RALYL: variants seen among roughly 807,000 people sequenced by gnomAD.
The protein encoded by RALYL is RNA-binding Raly-like protein.
In RALYL, 29 loss-of-function variants were observed where a neutral mutation model predicts 35.1. That is an observed-to-expected ratio of 0.83 (90% CI 0.61 to 1.13). The LOEUF (loss-of-function observed/expected upper bound fraction) is 1.13, where lower values mean the gene tolerates loss of function less well. RALYL is among the 50% of genes most tolerant of loss of function. The probability of loss-of-function intolerance (pLI) is 0.00; values close to 1 mark genes in which losing one functional copy is unlikely to be tolerated. For synonymous variants in RALYL, 120 were observed against 127.6 expected (o/e 0.94, Z 0.40); for missense variants, 359 against 360.4 (o/e 1.00, Z 0.03).
At chr8:84,252,271 A>G (rs780153917) in intron 1 of RALYL, among the ~76,000 whole-genome samples, 8 of 152,058 alleles carry the variant, frequency 5.3e-5, no homozygotes, top group Non-Finnish European at 1.2e-4. Context: ...CATTTATTTT[A>G]TTTATAGGTA....
chr8:84,222,313 A>G (rs1240839470), intron 1 of RALYL, among the ~76,000 whole-genome samples: 1 of 152,140 alleles, frequency 6.6e-6, no homozygotes, highest in Non-Finnish European at 1.5e-5. Flanking sequence ...GTCACATTCA[A>G]TTTTCTATGT....
chr8:84,276,123 T>C (rs1316070843), intron 1 of RALYL, among the ~76,000 whole-genome samples: 1 of 152,188 alleles, frequency 6.6e-6, no homozygotes, highest in African/African-American at 2.4e-5. Flanking sequence ...TCAAACTCCA[T>C]TGGTAATACA....
chr8:84,489,667 T>C (rs987738397), intron 1 of RALYL, among the ~76,000 whole-genome samples: 2 of 151,888 alleles, frequency 1.3e-5, no homozygotes, highest in African/African-American at 4.8e-5. Context: ...ACTGAGGAAA[T>C]TGTAGATAGC....
intron 4 of RALYL, among the ~76,000 whole-genome samples, chr8:84,808,127 T>A (rs1309251895): frequency 6.6e-6 from 1 of 152,232 alleles, no homozygotes; most frequent in Non-Finnish European, 1.5e-5. Context: ...AGAATGTTTA[T>A]AGTTTCAGGT....
At chr8:84,711,164 T>C (rs920748182) in intron 2 of RALYL, among the ~76,000 whole-genome samples, 1 of 151,442 alleles carries the variant, frequency 6.6e-6, no homozygotes, top group South Asian at 2.1e-4. Context: ...CAAGAAAGAG[T>C]CCAATAAGTA....
At chr8:84,643,623 T>A (rs1340932238) in intron 2 of RALYL, among the ~76,000 whole-genome samples, 1 of 151,868 alleles carries the variant, frequency 6.6e-6, no homozygotes, top group Non-Finnish European at 1.5e-5. Flanking sequence ...CACACAGCAA[T>A]CCCCATATGG....
chr8:84,448,446 T>G (rs748722137), intron 1 of RALYL, among the ~76,000 whole-genome samples: 87 of 152,048 alleles, frequency 5.7e-4, no homozygotes, highest in Non-Finnish European at 1.5e-4. Flanking sequence ...AAAAGATACC[T>G]ATTCTCTTGC....
intron 1 of RALYL, among the ~76,000 whole-genome samples, chr8:84,253,364 A>ATT (rs535716220): frequency 3.7e-4 from 37 of 99,558 alleles, no homozygotes; most frequent in African/African-American, 9.8e-4. Context: ...TAATTTTTGT[A>ATT]TTTTTTTTTT....
At chr8:84,579,454 G>A (rs1810326063) in intron 2 of RALYL, among the ~76,000 whole-genome samples, 1 of 152,162 alleles carries the variant, frequency 6.6e-6, no homozygotes, top group Admixed American at 6.5e-5. Flanking sequence ...GACTTGGTAG[G>A]GGGCAGAGCT....
intron 1 of RALYL, among the ~76,000 whole-genome samples, chr8:84,480,501 G>A (rs985929072): frequency 6.6e-6 from 1 of 152,118 alleles, no homozygotes; most frequent in African/African-American, 2.4e-5. Context: ...AAGGACTTCT[G>A]TGCGTATTCT....
chr8:84,302,260 G>A (rs1008749948), intron 1 of RALYL, among the ~76,000 whole-genome samples: 5 of 152,130 alleles, frequency 3.3e-5, no homozygotes, highest in Admixed American at 2.6e-4. Flanking sequence ...CTAATACAGT[G>A]ATCACTGAAA....
chr8:84,641,119 ATTATC>A (rs753453705), intron 2 of RALYL, among the ~76,000 whole-genome samples: 3 of 151,368 alleles, frequency 2.0e-5, no homozygotes, highest in Non-Finnish European at 4.4e-5. Flanking sequence ...ATATAAAATT[ATTATC>A]TTTTCTTTAT....
intron 2 of RALYL, among the ~76,000 whole-genome samples, chr8:84,707,254 A>G (rs1378362318): frequency 3.3e-5 from 5 of 152,180 alleles, no homozygotes; most frequent in Non-Finnish European, 7.4e-5. Flanking sequence ...TGATAAAGAA[A>G]CAATATATGA....
At chr8:84,580,505 G>A (rs766094931) in intron 2 of RALYL, among the ~76,000 whole-genome samples, 3 of 152,068 alleles carry the variant, frequency 2.0e-5, no homozygotes, top group African/African-American at 7.2e-5. Flanking sequence ...AGCTCTTATG[G>A]TTACTAATAC....
At chr8:84,864,737 G>C in intron 6 of RALYL, 1 of 576,398 alleles carries the variant, frequency 1.7e-6, no homozygotes, top group South Asian at 1.6e-5. Context: ...AGGGAGCTTG[G>C]CAGGCCTGGT....
At chr8:84,279,040 A>T (rs1312496626) in intron 1 of RALYL, among the ~76,000 whole-genome samples, 1 of 152,204 alleles carries the variant, frequency 6.6e-6, no homozygotes, top group Non-Finnish European at 1.5e-5. Flanking sequence ...TAAAGGAAAG[A>T]GGTTTAATGG....
chr8:84,872,366 T>G (rs1353249754), intron 6 of RALYL: 2 of 152,282 alleles, frequency 1.3e-5, no homozygotes, highest in East Asian at 3.9e-4. Flanking sequence ...GAGAAGTTGA[T>G]AAAATTGAAA....
intron 3 of RALYL, among the ~76,000 whole-genome samples, chr8:84,782,178 T>G (rs563539398): frequency 6.6e-6 from 1 of 152,298 alleles, no homozygotes; most frequent in East Asian, 1.9e-4. Flanking sequence ...TTTATCATCC[T>G]ATAAAATTCT....
Position 84,879,870 on chromosome 8 carries a change from G to T in RALYL, c.685+6473G>T, listed in dbSNP as rs4317566. On this transcript the variant is annotated intron_variant, in intron 7 of 8. Transcript: ENST00000521268. ...CTCAGTTAACTGTAAAGGCAAGATTGCCCTGGACACTTACTAAAAGCAGCA... is the reference window on the plus strand; with the variant it reads ...CTCAGTTAACTGTAAAGGCAAGATTTCCCTGGACACTTACTAAAAGCAGCA... Among the ~76,000 whole-genome samples, 109 of 151,964 alleles carry T rather than the reference G, an allele frequency of 7.2e-4. 1 individual carries two copies. In the East Asian group the frequency reaches 0.021, roughly 29 times the overall value.
Sources: allele counts gnomAD v4.1 joint callset (sites outside exome capture counted in the v4.1 genomes callset), GRCh38; gene constraint gnomAD v4.1.1; transcripts MANE v1.5; gene names NCBI Gene and HGNC (gene_info 2026-07-23, HGNC 2026-07-21).